Variants in NUP37 observed in about 807,000 individuals in gnomAD.
The protein encoded by NUP37 is nucleoporin 37, also known as nucleoporin Nup37.
Under a neutral mutation model 45.4 loss-of-function variants are expected in NUP37, and 33 were observed. The observed-to-expected ratio is 0.73, with a 90% CI of 0.55 to 0.97. The LOEUF (loss-of-function observed/expected upper bound fraction) is 0.97, where lower values mean the gene tolerates loss of function less well. Among genes scored for constraint, NUP37 ranks in the 50% least tolerant of loss-of-function variants. The pLI, the probability that NUP37 is intolerant of heterozygous loss-of-function variation, is 0.00. For missense variants in NUP37, 365 were observed against 389.7 expected (o/e 0.94, Z 0.53); for synonymous variants, 127 against 130.7 (o/e 0.97, Z 0.19).
intron 3 of NUP37, among the ~76,000 whole-genome samples, chr12:102,108,854 A>C (rs1880232471): frequency 6.6e-6 from 1 of 152,206 alleles, no homozygotes; most frequent in Non-Finnish European, 1.5e-5. Context: ...AACTTTGTTC[A>C]AAATGTCATC....
intron 3 of NUP37, among the ~76,000 whole-genome samples, chr12:102,110,617 T>C (rs186100524): frequency 1.7e-4 from 26 of 152,044 alleles, no homozygotes; most frequent in Admixed American, 1.7e-3. Flanking sequence ...CCAAGGCACA[T>C]GGATTGCCTG....
chr12:102,099,351 G>A (rs963685607), intron 4 of NUP37, 151 bp from the exon 5 acceptor site: 6 of 632,944 alleles, frequency 9.5e-6, no homozygotes, highest in South Asian at 6.0e-5. Context: ...TTTAAAGCAC[G>A]ATTTATACAC....
In NUP37 at chr12:102,077,102, A is replaced by G. The variant is rs1429716237; in HGVS notation, c.722+220T>C. 4.8e-6 allele frequency: 3 copies of G among 620,234 alleles called. No homozygotes were observed. The African/African-American group carries it at 5.5e-5, about 11-fold the overall frequency. 38.4% of individuals were successfully genotyped at this position (620,234 alleles called of 1,614,324 possible). ...TATAAGTCAACATTGCACAGATCCA[A>G]GATTTCCTCTTTTGCACTGTCCTTT... On this transcript the variant is annotated intron_variant, in intron 7 of 9. Transcript: ENST00000552283.
intron 6 of NUP37, 111 bp from the exon 7 acceptor site, chr12:102,077,614 C>T (rs2136711651): frequency 9.5e-7 from 1 of 1,055,804 alleles, no homozygotes; most frequent in Non-Finnish European, 1.3e-6. Context: ...TTGCAATATA[C>T]AGGTTCAGCA....
At chr12:102,076,753 C>A (rs370098323) in intron 8 of NUP37, 44 bp downstream of exon 8, 26 of 1,566,654 alleles carry the variant, frequency 1.7e-5, no homozygotes, top group South Asian at 4.5e-5. Flanking sequence ...GGCACAGCAA[C>A]GTCAAAAGAT....
intron 5 of NUP37, among the ~76,000 whole-genome samples, chr12:102,097,103 C>T (rs937604310): frequency 6.6e-6 from 1 of 152,046 alleles, no homozygotes; most frequent in African/African-American, 2.4e-5. Flanking sequence ...AGGACATGCT[C>T]ATCTCATAGC....
intron 5 of NUP37, among the ~76,000 whole-genome samples, chr12:102,090,382 A>G (rs1204849819): frequency 2.0e-5 from 3 of 152,190 alleles, no homozygotes; most frequent in Non-Finnish European, 4.4e-5. Flanking sequence ...AGTGCCAAGA[A>G]TGAGAAGGCT....
intron 2 of NUP37, among the ~76,000 whole-genome samples, chr12:102,114,043 A>G (rs532282548): frequency 6.6e-6 from 1 of 152,366 alleles, no homozygotes; most frequent in South Asian, 2.1e-4. Flanking sequence ...TCAAGGAAAG[A>G]AAAACACTGT....
chr12:102,114,253 A>G (rs1880397742), intron 2 of NUP37, among the ~76,000 whole-genome samples: 1 of 152,230 alleles, frequency 6.6e-6, no homozygotes, highest in Non-Finnish European at 1.5e-5. Context: ...GTAAATACAC[A>G]TCATCTTGCT....
At chr12:102,104,858 G>A (rs374976695) in intron 3 of NUP37, among the ~76,000 whole-genome samples, 3 of 152,090 alleles carry the variant, frequency 2.0e-5, no homozygotes, top group Admixed American at 6.5e-5. Context: ...ATAGCATTGC[G>A]ATACGATTTG....
At chr12:102,100,884 C>CCA (rs1342630055) in intron 4 of NUP37, 148 bp downstream of exon 4, 1 of 481,586 alleles carries the variant, frequency 2.1e-6, no homozygotes, top group Non-Finnish European at 3.7e-6. Flanking sequence ...GTTATTATAA[C>CCA]CTATAGTAGA....
At chr12:102,078,165 T>TAAA (rs781351728) in intron 6 of NUP37, among the ~76,000 whole-genome samples, 1 of 134,934 alleles carries the variant, frequency 7.4e-6, no homozygotes, top group Admixed American at 7.4e-5. Flanking sequence ...CCGTCTCTAC[T>TAAA]AAAAAAAAAA....
Position 102,087,278 on chromosome 12 carries a change from G to T in NUP37, c.450-1422C>A, listed in dbSNP as rs1382269189. On this transcript the variant is annotated intron_variant, in intron 5 of 9. Coordinates refer to ENST00000552283, the MANE Select transcript of NUP37 (RefSeq NM_024057.4). Reference sequence around the variant, plus strand: ...AAAAATTTATTTCAAAGAAAGTAGAGTATGTATTGGACAATGCTACTATTC... The same window carrying T: ...AAAAATTTATTTCAAAGAAAGTAGATTATGTATTGGACAATGCTACTATTC... Among the ~76,000 whole-genome samples the T allele has an allele frequency of 1.2e-4, 19 of 152,294 alleles. No individual in the cohort carries two copies. In the South Asian group the frequency reaches 1.5e-3, roughly 12 times the overall value.
chr12:102,104,441 T>C (rs1458245357), intron 3 of NUP37, among the ~76,000 whole-genome samples: 1 of 152,228 alleles, frequency 6.6e-6, no homozygotes, highest in Non-Finnish European at 1.5e-5. Context: ...CTCTGTTGAC[T>C]TCCCTTGCCA....
chr12:102,098,432 T>A (rs77614510), intron 5 of NUP37, among the ~76,000 whole-genome samples: 2,119 of 152,320 alleles, frequency 0.014, 57 homozygotes, highest in African/African-American at 0.049. Context: ...AGTTCATTAT[T>A]CCACACAAAC....
intron 4 of NUP37, among the ~76,000 whole-genome samples, chr12:102,100,463 G>A (rs1297918814): frequency 1.3e-5 from 2 of 152,122 alleles, no homozygotes; most frequent in African/African-American, 2.4e-5. Context: ...TATTCTAAGC[G>A]TTTTATATGA....
At chr12:102,111,554 T>C (rs57639534) in intron 3 of NUP37, among the ~76,000 whole-genome samples, 1 of 152,366 alleles carries the variant, frequency 6.6e-6, no homozygotes, top group African/African-American at 2.4e-5. Flanking sequence ...AAGGCAAGGC[T>C]AGTGTTTTGT....
chr12:102,076,730 G>A (rs1879178940), intron 8 of NUP37, 67 bp downstream of exon 8: 4 of 1,301,592 alleles, frequency 3.1e-6, no homozygotes, highest in Non-Finnish European at 2.2e-6. Context: ...AACTACAAAA[G>A]TATCCCAGTG....
At chr12:102,091,683 G>A (rs1251599297) in intron 5 of NUP37, among the ~76,000 whole-genome samples, 1 of 151,942 alleles carries the variant, frequency 6.6e-6, no homozygotes, top group Non-Finnish European at 1.5e-5. Flanking sequence ...CCAAATCAAA[G>A]GGCACTGGGT....
Sources: gnomAD v4.1 joint callset for allele counts (sites outside exome capture counted in the v4.1 genomes callset) on GRCh38, gnomAD v4.1.1 for gene constraint, MANE v1.5 for transcripts, NCBI Gene and HGNC (gene_info 2026-07-23, HGNC 2026-07-21) for gene names.